Variants in IL12RB2 observed in about 807,000 individuals in gnomAD.
The protein encoded by IL12RB2 is interleukin-12 receptor subunit beta-2.
IL12RB2 carries 82 observed loss-of-function variants against 89.4 expected under a neutral mutation model. The observed-to-expected ratio is 0.92, with a 90% CI of 0.77 to 1.10. The LOEUF (loss-of-function observed/expected upper bound fraction) is 1.10. Among genes scored for constraint, IL12RB2 ranks in the 50% least tolerant of loss-of-function variants. IL12RB2 has a pLI of 0.00. For missense variants in IL12RB2, 963 were observed against 1,031.9 expected (o/e 0.93, Z 0.92); for synonymous variants, 368 against 370.1 (o/e 0.99, Z 0.07).
chr1:67,374,558 C>A (rs1012602155), intron 13 of IL12RB2, among the ~76,000 whole-genome samples: 6 of 151,676 alleles, frequency 4.0e-5, no homozygotes, highest in African/African-American at 1.5e-4. Context: ...TTACTGCAAC[C>A]TCTACCTCCC....
At chr1:67,312,123 C>A (rs1184569445) in intron 1 of IL12RB2, among the ~76,000 whole-genome samples, 1 of 152,184 alleles carries the variant, frequency 6.6e-6, no homozygotes, top group Non-Finnish European at 1.5e-5. Context: ...GGAAAGGAGG[C>A]TTTGAAGTAT....
In IL12RB2 at chr1:67,395,565, T is replaced by C. The variant is rs1282604792; in HGVS notation, c.2065T>C (p.Leu689=). 1 of 1,614,238 alleles carries C rather than the reference T, an allele frequency of 6.2e-7. No homozygotes were observed. Residue 689 remains leucine (L), a synonymous_variant, in exon 17 of 17, where the codon TTG becomes CTG. Transcript: ENST00000674203. The stretch of plus-strand genomic sequence containing the variant: ...CTCTCAGGAGAAGACACAGCTGCCC[T>C]TGGACAGGCTCCTGATAGACTGGCC... ...PIAEEKTQLP[L]DRLLIDWPTP...
chr1:67,356,639 G>C (rs746621520), intron 10 of IL12RB2, among the ~76,000 whole-genome samples: 2 of 152,170 alleles, frequency 1.3e-5, no homozygotes, highest in Non-Finnish European at 2.9e-5. Context: ...TTGTATCACT[G>C]CAGGGTCTCT....
Position 67,395,645 on chromosome 1 carries a change from C to T in IL12RB2, c.2145C>T (p.Thr715=). The part of the protein sequence containing the change: ...LVISEVLHQV[T]PVFRHPPCSN... ...TCAGTGAAGTCCTTCATCAAGTGAC[C>T]CCAGTTTTCAGACATCCCCCCTGCT... The change falls in exon 17 of 17, where the codon ACC becomes ACT. Residue 715 remains threonine, a synonymous_variant. Transcript: ENST00000674203. 1.9e-6 allele frequency: 3 copies of T among 1,614,158 alleles called. No homozygotes were observed. The highest frequency in any genetic ancestry group is 2.5e-6 in the Non-Finnish European group (3 of 1,180,034).
At chr1:67,386,872 TTATATA>T (rs1179774666) in intron 15 of IL12RB2, among the ~76,000 whole-genome samples, 1,003 of 48,246 alleles carry the variant, frequency 0.021, 9 homozygotes, top group East Asian at 0.046. Context: ...GAAATGTATT[TTATATA>T]TATATATATA....
In IL12RB2 at chr1:67,398,251, AG is replaced by A. The variant is rs1227161905; in HGVS notation, c.*2164del. Among the ~76,000 whole-genome samples the A allele has an allele frequency of 3.3e-5, 5 of 152,138 alleles. No homozygotes were observed. The highest frequency in any genetic ancestry group is 4.8e-5 in the African/African-American group (2 of 41,418). ...TGACTGGCACAAACCATGACAGACAAGGCCACCTCCTCAGAAGCGGAACAAC... is the reference window on the plus strand; with the variant it reads ...TGACTGGCACAAACCATGACAGACAAGCCACCTCCTCAGAAGCGGAACAAC... On this transcript the variant is annotated 3_prime_UTR_variant, in exon 17 of 17. Transcript: ENST00000674203.
At position 67,397,319 on chromosome 1, in the gene IL12RB2, G is replaced by A. The variant is rs1012799493; in HGVS notation, c.*1230G>A. 3.3e-5 allele frequency among the ~76,000 whole-genome samples: 5 copies of A among 152,110 alleles called. No homozygotes were observed. The East Asian group carries it at 9.7e-4, about 29-fold the overall frequency. On this transcript the variant is annotated 3_prime_UTR_variant, in exon 17 of 17. Coordinates refer to ENST00000674203, the MANE Select transcript of IL12RB2 (RefSeq NM_001374259.2). ...TCTGAATCTCGGGTGTCTTGTAAAG[G>A]GCTGGACCAAAGGCTCCCTGACCCC...
At chr1:67,341,575 G>GAAAGAAAGA (rs1659619820) in intron 9 of IL12RB2, among the ~76,000 whole-genome samples, 1 of 139,266 alleles carries the variant, frequency 7.2e-6, no homozygotes, top group Admixed American at 7.2e-5. Context: ...AAGAAAGAAA[G>GAAAGAAAGA]AAAGAAAGAA....
intron 2 of IL12RB2, among the ~76,000 whole-genome samples, chr1:67,318,092 G>T (rs143891468): frequency 4.9e-4 from 74 of 152,284 alleles, no homozygotes; most frequent in Non-Finnish European, 7.2e-4. Flanking sequence ...ACACGAAGAC[G>T]CAAGGGAAGA....
intron 8 of IL12RB2, among the ~76,000 whole-genome samples, chr1:67,335,162 G>A (rs1421460174): frequency 1.3e-5 from 2 of 152,190 alleles, no homozygotes; most frequent in African/African-American, 4.8e-5. Flanking sequence ...TGTTGTTTTT[G>A]TTTTTAGGAT....
chr1:67,333,441 CAG>C (rs1050366958), intron 8 of IL12RB2, among the ~76,000 whole-genome samples: 3 of 140,814 alleles, frequency 2.1e-5, no homozygotes, highest in African/African-American at 5.3e-5. Flanking sequence ...GACTCTACAA[CAG>C]AGTCAGCCTT....
At chr1:67,360,332 G>C (rs1001938953) in intron 10 of IL12RB2, among the ~76,000 whole-genome samples, 5 of 151,898 alleles carry the variant, frequency 3.3e-5, no homozygotes, top group Non-Finnish European at 7.4e-5. Flanking sequence ...CCAGGAGGCA[G>C]AGGTTGCAGT....
At chr1:67,385,831 ACTGC>A (rs1665073579) in intron 14 of IL12RB2, among the ~76,000 whole-genome samples, 1 of 152,242 alleles carries the variant, frequency 6.6e-6, no homozygotes, top group Non-Finnish European at 1.5e-5. Flanking sequence ...ATTCAGACAC[ACTGC>A]CATGTGCTTT....
chr1:67,355,270 C>G (rs1661260360), intron 10 of IL12RB2, among the ~76,000 whole-genome samples: 1 of 151,818 alleles, frequency 6.6e-6, no homozygotes, highest in Admixed American at 6.6e-5. Flanking sequence ...CAAAATTAGC[C>G]AGGTGTGGTA....
intron 9 of IL12RB2, among the ~76,000 whole-genome samples, chr1:67,342,801 C>T (rs890900820): frequency 6.8e-6 from 1 of 147,394 alleles, no homozygotes; most frequent in Admixed American, 6.8e-5. Context: ...ATTCTGTCCC[C>T]CAGGCTGAAG....
At chr1:67,368,381 T>G (rs763012816) in intron 11 of IL12RB2, among the ~76,000 whole-genome samples, 1 of 152,240 alleles carries the variant, frequency 6.6e-6, no homozygotes, top group Non-Finnish European at 1.5e-5. Context: ...GAGGCCATCC[T>G]TAACCCTGTG....
At chr1:67,353,601 T>G (rs1252528167) in intron 10 of IL12RB2, among the ~76,000 whole-genome samples, 1 of 152,136 alleles carries the variant, frequency 6.6e-6, no homozygotes, top group Non-Finnish European at 1.5e-5. Flanking sequence ...AACATTTACA[T>G]GAGCACGTAT....
chr1:67,372,715 T>TTG lies in IL12RB2; in HGVS notation c.1649_1650insTG (p.Met550IlefsTer37), dbSNP rs1663502080. 32 of 1,606,290 alleles carry TTG rather than the reference T, an allele frequency of 2.0e-5. No homozygotes were observed. Among genetic ancestry groups the TTG allele is most frequent in the Non-Finnish European group, 2.6e-5 (31 of 1,173,014 alleles). On this transcript the variant is annotated frameshift_variant, in exon 13 of 17. Coordinates refer to ENST00000674203, the MANE Select transcript of IL12RB2 (RefSeq NM_001374259.2). LOFTEE classifies it high-confidence loss of function. ...AACAGCATTCCAGTCCAGGAGCAAA[T>TTG]GGGCTGCCTCCTCCATTATAGGATA...
chr1:67,391,803 A>AT (rs1253707126), intron 16 of IL12RB2, among the ~76,000 whole-genome samples: 5 of 151,074 alleles, frequency 3.3e-5, no homozygotes, highest in African/African-American at 9.7e-5. Flanking sequence ...TGCCCGGCTA[A>AT]TTTTTTTTTA....
Sources: allele counts gnomAD v4.1 joint callset (sites outside exome capture counted in the v4.1 genomes callset), GRCh38; gene constraint gnomAD v4.1.1; transcripts MANE v1.5; gene names NCBI Gene and HGNC (gene_info 2026-07-23, HGNC 2026-07-21).